The following AK7 variants were observed in gnomAD, a reference collection of about 807,000 sequenced individuals.
AK7 encodes the protein ATP-AMP transphosphorylase 7.
Under a neutral mutation model 96.6 loss-of-function variants are expected in AK7, and 78 were observed. The observed-to-expected ratio is 0.81, with a 90% CI of 0.67 to 0.97. AK7 has a LOEUF of 0.97. Ranked by LOEUF, AK7 falls within the 50% of genes least tolerant of loss-of-function variation. The probability of loss-of-function intolerance (pLI) is 0.00; values close to 1 mark genes in which losing one functional copy is unlikely to be tolerated. For missense variants in AK7, 855 were observed against 887.9 expected (o/e 0.96, Z 0.47); for synonymous variants, 302 against 317.2 (o/e 0.95, Z 0.51).
At chr14:96,416,821 A>G (rs1891375209) in intron 4 of AK7, among the ~76,000 whole-genome samples, 1 of 152,200 alleles carries the variant, frequency 6.6e-6, no homozygotes, top group Non-Finnish European at 1.5e-5. Context: ...TCATACACAA[A>G]CAGATCTCTG....
Position 96,469,097 on chromosome 14 carries a change from G to A in AK7, c.1358-2381G>A, listed in dbSNP as rs1313237369. Among the ~76,000 whole-genome samples, 5 of 152,224 alleles carry A rather than the reference G, an allele frequency of 3.3e-5. No individual in the cohort carries two copies. The South Asian group carries it at 6.2e-4, about 19-fold the overall frequency. ...CCCTTCTTAATTACTGAGCACTTTC[G>A]TTCCGAATCAAGCAGAAATGAGTGG... On this transcript the variant is annotated intron_variant, in intron 12 of 17. Coordinates refer to ENST00000267584, the MANE Select transcript of AK7 (RefSeq NM_152327.5).
chr14:96,462,202 A>G (rs1430558769), intron 12 of AK7, among the ~76,000 whole-genome samples: 2 of 151,824 alleles, frequency 1.3e-5, no homozygotes, highest in Non-Finnish European at 2.9e-5. Context: ...TGGGGAAGAT[A>G]CATCTTTAGA....
chr14:96,424,078 T>C (rs1254923674), intron 5 of AK7: 1 of 705,610 alleles, frequency 1.4e-6, no homozygotes. Flanking sequence ...GGGTCTGTTC[T>C]TCACCTGGGT....
chr14:96,486,548 T>C (rs1307812507), intron 16 of AK7, among the ~76,000 whole-genome samples: 1 of 151,978 alleles, frequency 6.6e-6, no homozygotes, highest in Non-Finnish European at 1.5e-5. Flanking sequence ...TTTGGAATTA[T>C]GATTCCCAAG....
chr14:96,442,628 T>C, intron 6 of AK7, 102 bp from the exon 7 acceptor site: 1 of 876,600 alleles, frequency 1.1e-6, no homozygotes, highest in Non-Finnish European at 2.0e-6. Context: ...CTTAAGCAGA[T>C]AGCTAGGCCT....
intron 7 of AK7, 104 bp from the exon 8 acceptor site, chr14:96,446,413 C>T: frequency 1.1e-6 from 1 of 939,438 alleles, no homozygotes; most frequent in Non-Finnish European, 1.7e-6. Flanking sequence ...TATCAAAGCA[C>T]CAAACCCCAC....
rs114647430 is a variant in AK7 at position 96,401,717 on chromosome 14, G to A, written c.295-3040G>A. Among the ~76,000 whole-genome samples the A allele has an allele frequency of 3.6e-3, 545 of 152,296 alleles. 4 individuals carry two copies. The highest frequency in any genetic ancestry group is 0.013 in the African/African-American group (528 of 41,562). On this transcript the variant is annotated intron_variant, in intron 2 of 17. Transcript: ENST00000267584. ...TGAGGGAAAGGTGAGAATGGAAACCGTTAGCCTGGTTCAGGTTATGAAAGG... is the reference window on the plus strand; with the variant it reads ...TGAGGGAAAGGTGAGAATGGAAACCATTAGCCTGGTTCAGGTTATGAAAGG...
rs138365403 is a variant in AK7, at chr14:96,487,836, C to T, written c.2134-469C>T. On this transcript the variant is annotated intron_variant, in intron 17 of 17. Transcript: ENST00000267584. ...CACCATTTATAATAAGATTTTTTTC[C>T]CTCATTGGTCAAACCCATGTAAGAT... is the stretch of plus-strand genomic sequence containing the variant. 1.0e-4 allele frequency: 20 copies of T among 198,578 alleles called. No individual in the cohort carries two copies. The East Asian group carries it at 3.3e-3, about 33-fold the overall frequency. The allele number at this position is 198,578 out of a possible 1,614,324, so 12.3% of individuals were successfully genotyped here.
chr14:96,439,508 CA>C (rs1402182111), intron 6 of AK7, among the ~76,000 whole-genome samples: 46 of 151,782 alleles, frequency 3.0e-4, no homozygotes, highest in Admixed American at 2.6e-4. Context: ...ACTAAAAATA[CA>C]AAAAATTAGC....
chr14:96,404,116 C>T (rs1374039726), intron 2 of AK7, among the ~76,000 whole-genome samples: 1 of 144,778 alleles, frequency 6.9e-6, no homozygotes, highest in East Asian at 2.0e-4. Context: ...TGCACTCCAG[C>T]CTGGGCAAAA....
chr14:96,412,007 T>A (rs1891059592), intron 4 of AK7, among the ~76,000 whole-genome samples: 1 of 152,224 alleles, frequency 6.6e-6, no homozygotes, highest in Admixed American at 6.5e-5. Context: ...CTCTTTGTCA[T>A]TGTCACAGGA....
chr14:96,472,801 G>A, intron 14 of AK7, 46 bp downstream of exon 14: 1 of 1,542,392 alleles, frequency 6.5e-7, no homozygotes, highest in Middle Eastern at 1.8e-4. Context: ...TGTTCTCTGG[G>A]CTGGGCGTGG....
chr14:96,458,398 CCAGCCTGAG>C (rs958703436), intron 12 of AK7, among the ~76,000 whole-genome samples, 186 bp downstream of exon 12: 2 of 151,942 alleles, frequency 1.3e-5, no homozygotes, highest in Admixed American at 1.3e-4. Context: ...GAGTTTGAGA[CCAGCCTGAG>C]CAGCATGGCG....
At chr14:96,479,696 C>T (rs1436273389) in intron 15 of AK7, among the ~76,000 whole-genome samples, 2 of 152,196 alleles carry the variant, frequency 1.3e-5, no homozygotes, top group African/African-American at 4.8e-5. Context: ...TCTCAGCTTT[C>T]ACAGCTGCTG....
intron 5 of AK7, chr14:96,423,662 C>T (rs1891844349): frequency 1.4e-5 from 9 of 640,300 alleles, no homozygotes; most frequent in South Asian, 1.1e-4. Flanking sequence ...AGCTCGGGGC[C>T]TCCAGGACGG....
In AK7 at chr14:96,449,954, C is replaced by A. The variant is rs983894352; in HGVS notation, c.948+75C>A. 7 of 1,196,852 alleles carry A rather than the reference C, an allele frequency of 5.8e-6. No individual in the cohort carries two copies. The Admixed American group carries it at 1.5e-4, about 25-fold the overall frequency. The allele number at this position is 1,196,852 out of a possible 1,614,324, so 74.1% of individuals were successfully genotyped here. On this transcript the variant is annotated intron_variant, in intron 9 of 17. Transcript: ENST00000267584. ...TGGAGTATTGTTATTTTTTTAATAT[C>A]AGATAGGTTTTGGCTAAATAACATT...
chr14:96,398,954 G>T (rs1303174743), intron 2 of AK7: 1 of 150,894 alleles, frequency 6.6e-6, no homozygotes, highest in African/African-American at 2.4e-5. Context: ...TCCACATGCT[G>T]TACCCTGGAG....
At chr14:96,460,347 A>G (rs1377454237) in intron 12 of AK7, among the ~76,000 whole-genome samples, 2 of 152,142 alleles carry the variant, frequency 1.3e-5, no homozygotes, top group African/African-American at 4.8e-5. Flanking sequence ...CGTCTTCTCA[A>G]CCACCTTTAT....
chr14:96,416,678 T>C lies in AK7; in HGVS notation c.499-4144T>C, dbSNP rs1012299781. 4.6e-5 allele frequency among the ~76,000 whole-genome samples: 7 copies of C among 152,184 alleles called. No individual in the cohort carries two copies. In the East Asian group the frequency reaches 1.3e-3, roughly 29 times the overall value. On this transcript the variant is annotated intron_variant, in intron 4 of 17. Coordinates refer to ENST00000267584, the MANE Select transcript of AK7 (RefSeq NM_152327.5). ...TACCCTTTACTGGAAAGACAAATGA[T>C]GCAAACAGTTGGGAGGAACTAAAAC...
Sources: gnomAD v4.1 joint callset for allele counts (sites outside exome capture counted in the v4.1 genomes callset) on GRCh38, gnomAD v4.1.1 for gene constraint, MANE v1.5 for transcripts, NCBI Gene and HGNC (gene_info 2026-07-23, HGNC 2026-07-21) for gene names.